Variants in ST6GAL2 observed in about 807,000 individuals in gnomAD.
ST6GAL2 encodes the protein ST6 beta-galactoside alpha-2,6-sialyltransferase 2, also known as beta-galactoside alpha-2,6-sialyltransferase 2.
In ST6GAL2, 24 loss-of-function variants were observed where a neutral mutation model predicts 37.5. The ratio of observed to expected loss-of-function variants is 0.64; its 90% CI spans 0.46 to 0.90. The LOEUF (loss-of-function observed/expected upper bound fraction) is 0.90, where lower values mean the gene tolerates loss of function less well. Among genes scored for constraint, ST6GAL2 ranks in the 40% least tolerant of loss-of-function variants. The pLI is 0.00. For missense variants in ST6GAL2, 715 were observed against 712.7 expected, an observed-to-expected ratio of 1.00 and a Z score of -0.04; for synonymous variants, 306 against 295.1, an observed-to-expected ratio of 1.04 and a Z score of -0.38.
chr2:106,858,707 T>C (rs1677681044), intron 1 of ST6GAL2, among the ~76,000 whole-genome samples: 1 of 152,082 alleles, frequency 6.6e-6, no homozygotes, highest in African/African-American at 2.4e-5. Context: ...CAAACCCTCT[T>C]GGGCTAGCAC....
intron 1 of ST6GAL2, among the ~76,000 whole-genome samples, chr2:106,866,638 A>C (rs1678036627): frequency 6.6e-6 from 1 of 152,216 alleles, no homozygotes; most frequent in African/African-American, 2.4e-5. Context: ...TTGTACTTTA[A>C]GAAACACAAC....
chr2:106,824,455 AC>A (rs1263585271), intron 5 of ST6GAL2, among the ~76,000 whole-genome samples: 1 of 152,006 alleles, frequency 6.6e-6, no homozygotes, highest in Admixed American at 6.6e-5. Context: ...ACATGGTGAA[AC>A]CCCGTCTCTA....
Position 106,804,685 on chromosome 2 carries a change from C to G in ST6GAL2, c.*1993G>C, listed in dbSNP as rs1439549189. 1 of 151,614 alleles carries G rather than the reference C, an allele frequency of 6.6e-6. No homozygotes were observed. The highest frequency in any genetic ancestry group is 2.4e-5 in the African/African-American group (1 of 41,262). The allele number at this position is 151,614 out of a possible 1,614,324, so 9.4% of individuals were successfully genotyped here. A position where few individuals can be genotyped will look rare whatever the true frequency, so the allele number is the denominator to read the frequency against. Reference sequence around the variant, plus strand: ...TGAAACCCTGTCTCTACTAAAAATACAAAAAATTAGCTGGGCGTGGTGGCG... The same window carrying G: ...TGAAACCCTGTCTCTACTAAAAATAGAAAAAATTAGCTGGGCGTGGTGGCG... On this transcript the variant is annotated 3_prime_UTR_variant, in exon 6 of 6. Transcript: ENST00000409382.
intron 1 of ST6GAL2, among the ~76,000 whole-genome samples, chr2:106,870,623 G>A (rs894762125): frequency 2.0e-5 from 3 of 152,138 alleles, no homozygotes; most frequent in African/African-American, 7.2e-5. Flanking sequence ...CAAATCCAGT[G>A]CCAATATCCA....
intron 5 of ST6GAL2, chr2:106,825,022 T>G (rs1207705565): frequency 6.6e-6 from 1 of 152,152 alleles, no homozygotes; most frequent in Non-Finnish European, 1.5e-5. Context: ...TCTCACAACC[T>G]CCGGCAACTC....
chr2:106,830,086 G>C lies in ST6GAL2; in HGVS notation c.1298C>G (p.Pro433Arg). 1 of 1,613,974 alleles carries C rather than the reference G, an allele frequency of 6.2e-7. No homozygotes were observed. Among genetic ancestry groups the C allele is most frequent in the Non-Finnish European group, 8.5e-7 (1 of 1,179,944 alleles). The change falls in exon 5 of 6, where the codon CCA (proline) becomes CGA (arginine). Residue 433 changes from proline to arginine, a missense_variant. By Grantham distance (103) the Pro-to-Arg change is moderately radical. Transcript: ENST00000409382. ...CCTACCAATGAAACCAGAAGATGGT[G>C]GGTTTGGTTGAATCTTCTCTTTAGT... ...ENTKEKIQPN[P>R]PSSGFIGILI...
intron 3 of ST6GAL2, among the ~76,000 whole-genome samples, 170 bp from the exon 4 acceptor site, chr2:106,832,836 A>T (rs1676478251): frequency 6.6e-6 from 1 of 152,180 alleles, no homozygotes. Context: ...GAAGCACTTA[A>T]AGAATGTTTG....
rs747802144 is a variant in ST6GAL2, at chr2:106,806,075, C to T, written c.*603G>A. 7.2e-5 allele frequency: 11 copies of T among 152,462 alleles called. No homozygotes were observed. Among genetic ancestry groups the T allele is most frequent in the Non-Finnish European group, 1.5e-4 (10 of 68,346 alleles). The allele number at this position is 152,462 out of a possible 1,614,324, so 9.4% of individuals were successfully genotyped here. A position where few individuals can be genotyped will look rare whatever the true frequency, so the allele number is the denominator to read the frequency against. ...GGTTTTAGAACTCTGTCTTGATGCACAGAAAGCAAAGCATTCAGTGGGCAA... is the reference window on the plus strand; with the variant it reads ...GGTTTTAGAACTCTGTCTTGATGCATAGAAAGCAAAGCATTCAGTGGGCAA... On this transcript the variant is annotated 3_prime_UTR_variant, in exon 6 of 6. Transcript: ENST00000409382.
rs72933066 is a variant in ST6GAL2, at chr2:106,878,626, G to A, written c.-58+7467C>T. Among the ~76,000 whole-genome samples the A allele has an allele frequency of 3.9e-3, 597 of 152,220 alleles. 2 individuals are homozygous for A. Among genetic ancestry groups the A allele is most frequent in the African/African-American group, 0.014 (576 of 41,534 alleles). Reference sequence around the variant, plus strand: ...ATAGAAATAAAAAAACAAAACCAGCGTAACTGTTTAGATAGAATCTACATT... The same window carrying A: ...ATAGAAATAAAAAAACAAAACCAGCATAACTGTTTAGATAGAATCTACATT... On this transcript the variant is annotated intron_variant, in intron 1 of 5. Transcript: ENST00000409382.
At position 106,803,147 on chromosome 2, in the gene ST6GAL2, GA is replaced by G. The variant is rs970877256; in HGVS notation, c.*3530del. 1.3e-5 allele frequency: 2 copies of G among 152,146 alleles called. No individual in the cohort carries two copies. Among genetic ancestry groups the G allele is most frequent in the Non-Finnish European group, 2.9e-5 (2 of 68,042 alleles). The allele number at this position is 152,146 out of a possible 1,614,324, so 9.4% of individuals were successfully genotyped here. On this transcript the variant is annotated 3_prime_UTR_variant, in exon 6 of 6. Transcript: ENST00000409382. The stretch of plus-strand genomic sequence containing the variant: ...CCAGCTACTTTGATTTCCTAATTTT[GA>G]AAACGCTAATGATTATTTTAGCATT...
intron 1 of ST6GAL2, among the ~76,000 whole-genome samples, chr2:106,859,012 T>C (rs1310639573): frequency 6.6e-6 from 1 of 152,120 alleles, no homozygotes; most frequent in Non-Finnish European, 1.5e-5. Context: ...TTGTAATGCT[T>C]CACAAAGCAG....
At chr2:106,850,443 A>G (rs947997903) in intron 1 of ST6GAL2, among the ~76,000 whole-genome samples, 5 of 152,176 alleles carry the variant, frequency 3.3e-5, no homozygotes, top group Admixed American at 3.3e-4. Flanking sequence ...CAAGAATAAT[A>G]GGAAGGAGTG....
At chr2:106,846,638 T>C (rs1470203684) in intron 1 of ST6GAL2, among the ~76,000 whole-genome samples, 1 of 152,238 alleles carries the variant, frequency 6.6e-6, no homozygotes, top group Non-Finnish European at 1.5e-5. Context: ...CTTACATGTA[T>C]AAATTGTGGC....
chr2:106,870,704 C>T (rs1405800842), intron 1 of ST6GAL2, among the ~76,000 whole-genome samples: 2 of 152,082 alleles, frequency 1.3e-5, no homozygotes, highest in East Asian at 3.9e-4. Flanking sequence ...AGGATGAGGG[C>T]TTCCTAGACA....
chr2:106,872,253 C>T (rs907734360), intron 1 of ST6GAL2, among the ~76,000 whole-genome samples: 3 of 152,224 alleles, frequency 2.0e-5, no homozygotes, highest in Non-Finnish European at 4.4e-5. Flanking sequence ...TAGGAACCAA[C>T]TTAGGTTCCT....
chr2:106,857,645 T>C (rs906923984), intron 1 of ST6GAL2, among the ~76,000 whole-genome samples: 1 of 152,092 alleles, frequency 6.6e-6, no homozygotes, highest in Non-Finnish European at 1.5e-5. Context: ...CACACACATA[T>C]ACACACATGT....
chr2:106,887,179 C>G (rs1431805460), upstream of ST6GAL2: 1 of 152,546 alleles, frequency 6.6e-6, no homozygotes, highest in Non-Finnish European at 1.5e-5. Flanking sequence ...GCGCGCCTGG[C>G]AGCGCCTGGC....
intron 5 of ST6GAL2, among the ~76,000 whole-genome samples, chr2:106,810,227 T>C (rs975510121): frequency 2.0e-5 from 3 of 152,242 alleles, no homozygotes; most frequent in South Asian, 2.1e-4. Context: ...GATTTTGTCA[T>C]AGACTATGCA....
At chr2:106,827,743 G>C (rs1347461294) in intron 5 of ST6GAL2, among the ~76,000 whole-genome samples, 1 of 152,082 alleles carries the variant, frequency 6.6e-6, no homozygotes, top group African/African-American at 2.4e-5. Context: ...TTTGAGATTG[G>C]GCTAGTGAGA....
Sources: gnomAD v4.1 joint callset for allele counts (sites outside exome capture counted in the v4.1 genomes callset) on GRCh38, gnomAD v4.1.1 for gene constraint, MANE v1.5 for transcripts, NCBI Gene and HGNC (gene_info 2026-07-23, HGNC 2026-07-21) for gene names.